PTK2: variants seen among roughly 807,000 people sequenced by gnomAD.
PTK2 encodes focal adhesion kinase 1.
A neutral mutation model predicts 150.1 loss-of-function variants in PTK2; 45 were observed. The ratio of observed to expected loss-of-function variants is 0.30; its 90% confidence interval spans 0.24 to 0.38. The LOEUF (loss-of-function observed/expected upper bound fraction) is 0.38, where lower values mean the gene tolerates loss of function less well. Ranked by LOEUF, PTK2 falls within the 10% of genes least tolerant of loss-of-function variation. The pLI is 1.00. For missense variants in PTK2, 919 were observed against 1,307.3 expected, an observed-to-expected ratio of 0.70 and a Z score of 4.58; for synonymous variants, 432 against 449.2, an observed-to-expected ratio of 0.96 and a Z score of 0.48.
At position 140,706,141 on chromosome 8, in the gene PTK2, A is replaced by G; in HGVS notation, c.2207T>C (p.Met736Thr). ...TACCTGGTAATGATTGGTTTGTACC[A>G]TGTGCTGTGGGCTGGGATAAAATCC... is the stretch of plus-strand genomic sequence containing the variant. Residue 736 changes from methionine to threonine, a missense_variant, in exon 24 of 32, where the codon ATG becomes ACG. Physicochemically the swap from Met to Thr is moderately conservative, Grantham distance 81. Around this residue, in one of 3 missense-constraint regions of PTK2, gnomAD observed 258 missense variants for 265.4 expected, o/e 0.97. Coordinates refer to ENST00000522684, the Ensembl canonical transcript of PTK2. 1.2e-5 allele frequency: 20 copies of G among 1,611,706 alleles called. No individual in the cohort carries two copies. The highest frequency in any genetic ancestry group is 1.7e-5 in the Non-Finnish European group (20 of 1,177,818).
At chr8:140,997,127 A>G (rs1395967730) in intron 1 of PTK2, among the ~76,000 whole-genome samples, 6 of 152,240 alleles carry the variant, frequency 3.9e-5, no homozygotes, top group African/African-American at 1.4e-4. Context: ...AGAGAAAGTA[A>G]ATGCAGATAT....
intron 1 of PTK2, among the ~76,000 whole-genome samples, chr8:140,936,298 G>A (rs551275159): frequency 9.2e-5 from 14 of 152,090 alleles, no homozygotes; most frequent in Non-Finnish European, 1.6e-4. Flanking sequence ...CACCTAAAGA[G>A]GTCAAGAGAA....
intron 1 of PTK2, chr8:140,940,477 A>G (rs1457310338): frequency 6.6e-6 from 1 of 152,132 alleles, no homozygotes; most frequent in East Asian, 1.9e-4. Flanking sequence ...AGTCATGACT[A>G]TATATTACAA....
chr8:140,955,273 T>C (rs887886994), intron 1 of PTK2, among the ~76,000 whole-genome samples: 2 of 152,220 alleles, frequency 1.3e-5, no homozygotes, highest in African/African-American at 4.8e-5. Flanking sequence ...GGGGCAGGTC[T>C]TTCCCGTGTT....
At chr8:140,672,819 G>A (rs192250373) in intron 29 of PTK2, among the ~76,000 whole-genome samples, 148 of 152,338 alleles carry the variant, frequency 9.7e-4, no homozygotes, top group African/African-American at 3.3e-3. Flanking sequence ...TTTGAGTCAA[G>A]TATGTGCTCA....
rs185140079 is a variant in PTK2 at position 140,777,203 on chromosome 8, G to A, written c.1177+12271C>T. ...ACTGGGTAATTTATAAAGAAAAGAC[G>A]TTTTAATTGGTTCACAGTTCTGCCA... On this transcript the variant is annotated intron_variant, in intron 14 of 31. Coordinates refer to ENST00000522684, the Ensembl canonical transcript of PTK2. 3.2e-3 allele frequency among the ~76,000 whole-genome samples: 485 copies of A among 152,290 alleles called. 1 individual carries two copies. The highest frequency in any genetic ancestry group is 0.031 in the Middle Eastern group (9 of 294).
intron 8 of PTK2, among the ~76,000 whole-genome samples, chr8:140,827,437 A>G (rs143895713): frequency 1.3e-5 from 2 of 152,100 alleles, no homozygotes; most frequent in Admixed American, 6.5e-5. Context: ...GAAAAAAAGC[A>G]CATGGGCATC....
chr8:140,910,172 C>T (rs2100162549), intron 2 of PTK2, among the ~76,000 whole-genome samples: 2 of 152,114 alleles, frequency 1.3e-5, no homozygotes, highest in South Asian at 4.1e-4. Flanking sequence ...GCAGTATTAA[C>T]ATATATGATA....
intron 26 of PTK2, among the ~76,000 whole-genome samples, chr8:140,698,768 C>T (rs569599462): frequency 6.6e-6 from 1 of 152,168 alleles, no homozygotes; most frequent in Admixed American, 6.6e-5. Flanking sequence ...GCATGCATCA[C>T]CACATCTGGC....
chr8:140,891,668 T>C (rs1488889797), intron 2 of PTK2, among the ~76,000 whole-genome samples: 2 of 152,210 alleles, frequency 1.3e-5, no homozygotes, highest in African/African-American at 4.8e-5. Context: ...TCTTGGATTC[T>C]GGTGAGAAGG....
At chr8:140,924,796 AT>A (rs2100168851) in intron 2 of PTK2, among the ~76,000 whole-genome samples, 1 of 152,246 alleles carries the variant, frequency 6.6e-6, no homozygotes, top group Non-Finnish European at 1.5e-5. Context: ...ACATAAAAAA[AT>A]AAATCACATA....
At chr8:140,739,181 T>C in intron 20 of PTK2, 74 bp from the exon 24 acceptor site, 1 of 977,682 alleles carries the variant, frequency 1.0e-6, no homozygotes. Flanking sequence ...GCTGAGATTT[T>C]CAGTATCAAA....
chr8:140,764,309 A>G lies in PTK2; in HGVS notation c.1178-19T>C, dbSNP rs1565896888. 2.5e-6 allele frequency: 4 copies of G among 1,590,552 alleles called. No homozygotes were observed. Among genetic ancestry groups the G allele is most frequent in the Middle Eastern group, 1.7e-4 (1 of 6,002 alleles). On this transcript the variant is annotated intron_variant, in intron 14 of 31. Transcript: ENST00000522684. ...TCTGTTTCTGCAGGAAAAGAAACAGATATGTTGAAAGAGGTTAAACATCTG... is the reference window on the plus strand; with the variant it reads ...TCTGTTTCTGCAGGAAAAGAAACAGGTATGTTGAAAGAGGTTAAACATCTG...
At chr8:140,916,347 C>T (rs1188747018) in intron 2 of PTK2, among the ~76,000 whole-genome samples, 2 of 152,220 alleles carry the variant, frequency 1.3e-5, no homozygotes, top group South Asian at 2.1e-4. Context: ...GCACGAAGAA[C>T]TGGAAAGATA....
At chr8:140,728,622 G>T (rs541280504) in intron 22 of PTK2, among the ~76,000 whole-genome samples, 2 of 152,142 alleles carry the variant, frequency 1.3e-5, no homozygotes, top group African/African-American at 2.4e-5. Flanking sequence ...GGGTTCATGC[G>T]ATTCTCCTGC....
At chr8:140,751,984 T>TG (rs960775434) in intron 17 of PTK2, 1 of 646,736 alleles carries the variant, frequency 1.5e-6, no homozygotes, top group Non-Finnish European at 2.9e-6. Context: ...AGATGTGTAA[T>TG]GGCCTAAGTA....
intron 1 of PTK2, among the ~76,000 whole-genome samples, chr8:140,932,221 T>TC (rs1209560213): frequency 2.6e-5 from 4 of 152,172 alleles, no homozygotes; most frequent in Non-Finnish European, 5.9e-5. Flanking sequence ...ATTTAACATT[T>TC]CTTTTTTTTC....
chr8:140,899,887 T>C (rs573934745), intron 2 of PTK2, among the ~76,000 whole-genome samples: 1 of 152,184 alleles, frequency 6.6e-6, no homozygotes, highest in African/African-American at 2.4e-5. Context: ...GAAAAAGCAT[T>C]TGATAAAATT....
intron 7 of PTK2, among the ~76,000 whole-genome samples, chr8:140,831,085 GC>G (rs1344612113): frequency 6.6e-6 from 1 of 152,124 alleles, no homozygotes; most frequent in Non-Finnish European, 1.5e-5. Flanking sequence ...ATAAATTTAT[GC>G]CCTAGGTAAA....
Sources: gnomAD v4.1 joint callset for allele counts (sites outside exome capture counted in the v4.1 genomes callset) on GRCh38, gnomAD v4.1.1 for gene constraint, gnomAD v4.1.1 regional missense constraint, MANE v1.5 for transcripts, NCBI Gene and HGNC (gene_info 2026-07-23, HGNC 2026-07-21) for gene names.